MEGF6: variants seen among roughly 807,000 people sequenced by gnomAD.
MEGF6 encodes the protein multiple epidermal growth factor-like domains protein 6.
Under a neutral mutation model 207.1 loss-of-function variants are expected in MEGF6, and 184 were observed. That is an observed-to-expected ratio of 0.89 (90% CI 0.79 to 1.00). The LOEUF (loss-of-function observed/expected upper bound fraction) is 1.00, where lower values mean the gene tolerates loss of function less well. Ranked by LOEUF, MEGF6 falls within the 50% of genes least tolerant of loss-of-function variation. The pLI, the probability that MEGF6 is intolerant of heterozygous loss-of-function variation, is 0.00. For synonymous variants in MEGF6, 1,038 were observed against 910.0 expected, an observed-to-expected ratio of 1.14 and a Z score of -2.53; for missense variants, 2,282 against 2,202.9, an observed-to-expected ratio of 1.04 and a Z score of -0.72.
At position 3,510,842 on chromosome 1, in the gene MEGF6, C is replaced by T. The variant is rs1377570281; in HGVS notation, c.1175G>A (p.Gly392Glu). 1.2e-6 allele frequency: 2 copies of T among 1,610,922 alleles called. No individual in the cohort carries two copies. Among genetic ancestry groups the T allele is most frequent in the Non-Finnish European group, 1.7e-6 (2 of 1,178,470 alleles). Residue 392 changes from glycine to glutamate, a missense_variant, in exon 10 of 37, where the codon GGG (glycine) becomes GAG (glutamate). Physicochemically the swap from Gly to Glu is moderately conservative, Grantham distance 98. Coordinates refer to ENST00000356575, the MANE Select transcript of MEGF6 (RefSeq NM_001409.4). ...GCCGGCGTAGCAGCCGCACTCGTACCCGCCAGGGTTGTTGGTGCACACCTG... is the reference window on the plus strand; with the variant it reads ...GCCGGCGTAGCAGCCGCACTCGTACTCGCCAGGGTTGTTGGTGCACACCTG... ...CQQVCTNNPGGYECGCYAGYR... is the reference protein window; with the variant it reads ...CQQVCTNNPGEYECGCYAGYR...
chr1:3,541,452 G>C (rs1313702044), intron 4 of MEGF6, among the ~76,000 whole-genome samples: 1 of 152,252 alleles, frequency 6.6e-6, no homozygotes, highest in East Asian at 1.9e-4. Flanking sequence ...GCTCCCACAG[G>C]AAGGTCAGAG....
chr1:3,542,207 G>A (rs942789060), intron 4 of MEGF6, among the ~76,000 whole-genome samples: 8 of 152,230 alleles, frequency 5.3e-5, no homozygotes, highest in East Asian at 1.9e-4. Context: ...GGCAGCCCTC[G>A]GGCCTGGATG....
chr1:3,540,694 CCAGGGCAGCTTCT>C (rs1047912876), intron 4 of MEGF6, among the ~76,000 whole-genome samples: 10 of 152,194 alleles, frequency 6.6e-5, no homozygotes, highest in African/African-American at 2.4e-4. Flanking sequence ...TCTGGATCCT[CCAGGGCAGCTTCT>C]CAGGGCAGCT....
At chr1:3,493,097 A>C in intron 34 of MEGF6, 1 of 362,554 alleles carries the variant, frequency 2.8e-6, no homozygotes. Flanking sequence ...TCAGGGCACA[A>C]CAGGCCTGAG....
rs1570019926 is a variant in MEGF6, at chr1:3,515,465, T to G, written c.667A>C (p.Thr223Pro). 6.2e-7 allele frequency: 1 copy of G among 1,612,556 alleles called. No individual in the cohort carries two copies. Among genetic ancestry groups the G allele is most frequent in the South Asian group, 1.1e-5 (1 of 91,068 alleles). Residue 223 changes from threonine (T) to proline (P), a missense_variant, in exon 6 of 37, where the codon ACT becomes CCT. By Grantham distance (38) the Thr-to-Pro change is conservative (BLOSUM62 -1). Transcript: ENST00000356575. ...CQHHCVQLTI[T>P]RHRCQCRPGF... is the part of the protein sequence containing the mutation. Reference sequence around the variant, plus strand: ...GGCCGGCACTGGCAGCGATGCCGAGTGATTGTGAGCTGGACACAGTGGTGC... The same window carrying G: ...GGCCGGCACTGGCAGCGATGCCGAGGGATTGTGAGCTGGACACAGTGGTGC...
intron 4 of MEGF6, among the ~76,000 whole-genome samples, chr1:3,578,417 C>T (rs1021051661): frequency 6.6e-6 from 1 of 152,208 alleles, no homozygotes; most frequent in Non-Finnish European, 1.5e-5. Flanking sequence ...CCTGTGTGGA[C>T]CCCACCTGTC....
chr1:3,579,429 C>A (rs1368015200), intron 4 of MEGF6, among the ~76,000 whole-genome samples: 2 of 152,178 alleles, frequency 1.3e-5, no homozygotes, highest in African/African-American at 4.8e-5. Context: ...GCTAAGACCC[C>A]CGGGTGTCCC....
At chr1:3,603,087 G>A (rs568875710) in intron 1 of MEGF6, among the ~76,000 whole-genome samples, 3 of 152,260 alleles carry the variant, frequency 2.0e-5, no homozygotes, top group East Asian at 1.9e-4. Context: ...GCGGCTCCCC[G>A]GCATCCTATG....
At chr1:3,586,749 CCCTT>C (rs1643899344) in intron 3 of MEGF6, among the ~76,000 whole-genome samples, 1 of 152,198 alleles carries the variant, frequency 6.6e-6, no homozygotes, top group South Asian at 2.1e-4. Context: ...GCCCTGCAGC[CCCTT>C]CCCAGCAGGC....
At chr1:3,530,591 C>T (rs560587878) in intron 4 of MEGF6, among the ~76,000 whole-genome samples, 1 of 152,308 alleles carries the variant, frequency 6.6e-6, no homozygotes, top group East Asian at 1.9e-4. Context: ...ACCTGCTTCC[C>T]AGGCCACCAG....
chr1:3,521,270 A>C (rs1047245539), intron 5 of MEGF6, among the ~76,000 whole-genome samples: 2 of 152,146 alleles, frequency 1.3e-5, no homozygotes, highest in Non-Finnish European at 2.9e-5. Flanking sequence ...GTGAACCAGA[A>C]GATGCCCCCA....
chr1:3,581,637 C>G (rs1317505159), intron 3 of MEGF6, among the ~76,000 whole-genome samples: 1 of 152,198 alleles, frequency 6.6e-6, no homozygotes, highest in Non-Finnish European at 1.5e-5. Context: ...TTAGGTTTTC[C>G]TTGTCCTGAA....
At chr1:3,605,325 TAC>T (rs974109587) in intron 1 of MEGF6, among the ~76,000 whole-genome samples, 1 of 151,290 alleles carries the variant, frequency 6.6e-6, no homozygotes, top group Non-Finnish European at 1.5e-5. Flanking sequence ...TATGCATGCT[TAC>T]ACACTCAACA....
the MEGF6 span, among the ~76,000 whole-genome samples, chr1:3,621,112 A>ACAGGC: frequency 6.6e-6 from 1 of 152,218 alleles, no homozygotes; most frequent in Non-Finnish European, 1.5e-5. Flanking sequence ...TCACAGGGAG[A>ACAGGC]CAGGCCTCCA....
chr1:3,610,314 G>A (rs918782081), intron 1 of MEGF6, among the ~76,000 whole-genome samples: 4 of 152,222 alleles, frequency 2.6e-5, no homozygotes, highest in African/African-American at 7.2e-5. Flanking sequence ...AGAGCACCAG[G>A]CCCTGCTGGG....
intron 8 of MEGF6, 111 bp downstream of exon 8, chr1:3,511,895 G>A: frequency 6.5e-7 from 1 of 1,528,082 alleles, no homozygotes; most frequent in Non-Finnish European, 8.9e-7. Context: ...ACCCAGGGCT[G>A]CCCCTGATTG....
At chr1:3,576,082 CAG>C (rs1643632992) in intron 4 of MEGF6, among the ~76,000 whole-genome samples, 1 of 152,276 alleles carries the variant, frequency 6.6e-6, no homozygotes, top group Admixed American at 6.5e-5. Context: ...ACACCAAAGC[CAG>C]CCCTGGACAA....
rs1427901429 is a variant in MEGF6, at chr1:3,501,866, C to G, written c.2244G>C (p.Gly748=). The change falls in exon 18 of 37, where the codon GGG becomes GGC. Residue 748 remains glycine (G), a synonymous_variant. Coordinates refer to ENST00000356575, the MANE Select transcript of MEGF6 (RefSeq NM_001409.4). ...VNCSSSCSCG[G]APCHGVTGQC... is the part of the protein sequence containing the mutation. ...GCCCCGTGACCCCGTGGCAGGGGGC[C>G]CCCCCACAGGAGCAGGAGCTCGAGC... 2 of 1,608,414 alleles carry G rather than the reference C, an allele frequency of 1.2e-6. No homozygotes were observed. The highest frequency in any genetic ancestry group is 2.2e-5 in the East Asian group (1 of 44,804).
At chr1:3,592,292 G>A (rs192521033) in intron 3 of MEGF6, among the ~76,000 whole-genome samples, 16 of 152,278 alleles carry the variant, frequency 1.1e-4, no homozygotes, top group Middle Eastern at 3.4e-3. Flanking sequence ...GTGGTGTGGG[G>A]AGGTCCAAAA....
Sources: allele counts gnomAD v4.1 joint callset (sites outside exome capture counted in the v4.1 genomes callset), GRCh38; gene constraint gnomAD v4.1.1; transcripts MANE v1.5; gene names NCBI Gene and HGNC (gene_info 2026-07-23, HGNC 2026-07-21).